The following PRKD3 variants were observed in gnomAD, a reference collection of about 807,000 sequenced individuals.
PRKD3 encodes the protein protein kinase D3.
Under a neutral mutation model 99.2 loss-of-function variants are expected in PRKD3, and 47 were observed. The observed-to-expected ratio is 0.47, with a 90% confidence interval of 0.38 to 0.60. The LOEUF is 0.60. Ranked by LOEUF, PRKD3 falls within the 20% of genes least tolerant of loss-of-function variation. The probability of loss-of-function intolerance (pLI) is 0.00; values close to 1 mark genes in which losing one functional copy is unlikely to be tolerated. For synonymous variants in PRKD3, 392 were observed against 355.4 expected (o/e 1.10, Z -1.16); for missense variants, 1,019 against 1,088.4 (o/e 0.94, Z 0.90).
chr2:37,253,124 C>A lies in PRKD3; in HGVS notation c.*53G>T. On this transcript the variant is annotated 3_prime_UTR_variant, in exon 19 of 19. Coordinates refer to ENST00000234179, the MANE Select transcript of PRKD3 (RefSeq NM_005813.6). ...AATCTACAAAGAACAAGTTACACAG[C>A]AAAATATCAGTCCATAAAATGAAAT... is the stretch of plus-strand genomic sequence containing the variant. The A allele has an allele frequency of 1.3e-6, 2 of 1,507,062 alleles. No homozygotes were observed. Among genetic ancestry groups the A allele is most frequent in the South Asian group, 1.3e-5 (1 of 79,704 alleles). The allele number at this position is 1,507,062 out of a possible 1,614,324, so 93.4% of individuals were successfully genotyped here.
intron 5 of PRKD3, among the ~76,000 whole-genome samples, chr2:37,288,972 T>C (rs28524149): frequency 0.097 from 14,780 of 151,818 alleles, 1,120 homozygotes; most frequent in East Asian, 0.35. Context: ...GAGAATTGCT[T>C]GAACCCAGGA....
chr2:37,265,488 T>TACAC (rs149325155), intron 14 of PRKD3, among the ~76,000 whole-genome samples: 21 of 150,152 alleles, frequency 1.4e-4, no homozygotes, highest in South Asian at 6.3e-4. Flanking sequence ...ATCTTTATAC[T>TACAC]ACACACACAC....
At chr2:37,284,524 T>C (rs1379361117) in intron 6 of PRKD3, among the ~76,000 whole-genome samples, 1 of 152,206 alleles carries the variant, frequency 6.6e-6, no homozygotes, top group East Asian at 1.9e-4. Flanking sequence ...TTAAGATTAT[T>C]TGTTGGCTAG....
chr2:37,302,308 A>G (rs1175383940), intron 2 of PRKD3, among the ~76,000 whole-genome samples: 2 of 152,242 alleles, frequency 1.3e-5, no homozygotes. Flanking sequence ...GACTGTGCAA[A>G]ATGAAGTATT....
intron 2 of PRKD3, among the ~76,000 whole-genome samples, chr2:37,304,060 T>G (rs889063236): frequency 2.0e-5 from 3 of 152,180 alleles, no homozygotes; most frequent in South Asian, 4.1e-4. Flanking sequence ...ATTTTAAAAT[T>G]TGATGCCAAA....
intron 2 of PRKD3, among the ~76,000 whole-genome samples, chr2:37,298,109 C>A (rs1670753892): frequency 6.6e-6 from 1 of 152,046 alleles, no homozygotes; most frequent in Non-Finnish European, 1.5e-5. Context: ...TTTATACTTT[C>A]AGATATAATA....
intron 2 of PRKD3, among the ~76,000 whole-genome samples, chr2:37,300,345 G>C (rs1670868205): frequency 6.6e-6 from 1 of 152,154 alleles, no homozygotes; most frequent in Non-Finnish European, 1.5e-5. Context: ...TGGAGATAGA[G>C]AGTAGAATGA....
At chr2:37,323,087 G>C (rs1572714284) in intron 1 of PRKD3, among the ~76,000 whole-genome samples, 1 of 139,130 alleles carries the variant, frequency 7.2e-6, no homozygotes, top group Non-Finnish European at 1.5e-5. Context: ...TGTAATATCA[G>C]AAAGTTTTAT....
chr2:37,285,085 C>T (rs1477326508), intron 6 of PRKD3, among the ~76,000 whole-genome samples: 1 of 152,046 alleles, frequency 6.6e-6, no homozygotes, highest in Non-Finnish European at 1.5e-5. Flanking sequence ...ACAAATACTT[C>T]TACTATATAA....
At chr2:37,271,512 C>T (rs959505204) in intron 12 of PRKD3, among the ~76,000 whole-genome samples, 3 of 152,174 alleles carry the variant, frequency 2.0e-5, no homozygotes, top group Admixed American at 6.5e-5. Flanking sequence ...ACAGGGGTCC[C>T]CAAGCCCCAG....
At chr2:37,278,572 ACT>A (rs1324390863) in intron 8 of PRKD3, 3 of 152,286 alleles carry the variant, frequency 2.0e-5, no homozygotes, top group South Asian at 4.1e-4. Context: ...CATAAAATAC[ACT>A]GTTTTGAAAT....
chr2:37,269,486 A>G (rs1669073968), intron 13 of PRKD3, 129 bp downstream of exon 13: 2 of 730,490 alleles, frequency 2.7e-6, no homozygotes, highest in African/African-American at 1.8e-5. Flanking sequence ...TAGCTGAAAG[A>G]TAACAAGTCA....
chr2:37,300,698 C>T (rs1031696530), intron 2 of PRKD3, among the ~76,000 whole-genome samples: 9 of 152,122 alleles, frequency 5.9e-5, no homozygotes, highest in Non-Finnish European at 1.0e-4. Flanking sequence ...GATTAGAACT[C>T]GTCATAAGCT....
At chr2:37,290,350 AG>A (rs1165902639) in intron 4 of PRKD3, among the ~76,000 whole-genome samples, 1 of 151,994 alleles carries the variant, frequency 6.6e-6, no homozygotes, top group Non-Finnish European at 1.5e-5. Flanking sequence ...CTCCTGCCCC[AG>A]CCTCCCGAGT....
At chr2:37,267,080 A>T (rs994391138) in intron 14 of PRKD3, among the ~76,000 whole-genome samples, 1 of 152,224 alleles carries the variant, frequency 6.6e-6, no homozygotes, top group African/African-American at 2.4e-5. Flanking sequence ...TAAAAGGTAC[A>T]TAATTTTAAA....
At chr2:37,317,820 G>A (rs970949291) in intron 1 of PRKD3, 1 of 152,140 alleles carries the variant, frequency 6.6e-6, no homozygotes, top group African/African-American at 2.4e-5. Flanking sequence ...GTCCTAACTA[G>A]GCCCAACAAT....
intron 2 of PRKD3, among the ~76,000 whole-genome samples, chr2:37,297,400 T>C (rs1365752831): frequency 6.6e-6 from 1 of 152,226 alleles, no homozygotes; most frequent in Non-Finnish European, 1.5e-5. Context: ...AGTTCCTGTA[T>C]ACTACCCCAT....
At chr2:37,305,649 T>G (rs1558573841) in intron 2 of PRKD3, among the ~76,000 whole-genome samples, 1 of 152,200 alleles carries the variant, frequency 6.6e-6, no homozygotes, top group African/African-American at 2.4e-5. Flanking sequence ...TTTAATAAGA[T>G]AAACACTTTA....
rs965916393 is a variant in PRKD3 at position 37,252,527 on chromosome 2, G to C, written c.*650C>G. 1 of 152,140 alleles carries C rather than the reference G, an allele frequency of 6.6e-6. No individual in the cohort carries two copies. Among genetic ancestry groups the C allele is most frequent in the Admixed American group, 6.6e-5 (1 of 15,266 alleles). The allele number at this position is 152,140 out of a possible 1,614,324, so 9.4% of individuals were successfully genotyped here. A position where few individuals can be genotyped will look rare whatever the true frequency, so the allele number is the denominator to read the frequency against. ...CCTTATGCTGTATAGAACATATTCAGAGTAGCAGAGCAACTCCAAAAAGGT... is the reference window on the plus strand; with the variant it reads ...CCTTATGCTGTATAGAACATATTCACAGTAGCAGAGCAACTCCAAAAAGGT... On this transcript the variant is annotated 3_prime_UTR_variant, in exon 19 of 19. Coordinates refer to ENST00000234179, the MANE Select transcript of PRKD3 (RefSeq NM_005813.6).
Sources: gnomAD v4.1 joint callset for allele counts (sites outside exome capture counted in the v4.1 genomes callset) on GRCh38, gnomAD v4.1.1 for gene constraint, MANE v1.5 for transcripts, NCBI Gene and HGNC (gene_info 2026-07-23, HGNC 2026-07-21) for gene names.